Variants in LRRFIP1 observed in about 807,000 individuals in gnomAD.
The protein encoded by LRRFIP1 is leucine-rich repeat flightless-interacting protein 1.
In LRRFIP1, 62 loss-of-function variants were observed where a neutral mutation model predicts 104.4. The observed-to-expected ratio is 0.59, with a 90% CI of 0.48 to 0.73. LRRFIP1 has a LOEUF of 0.73. Ranked by LOEUF, LRRFIP1 falls within the 30% of genes least tolerant of loss-of-function variation. The probability of loss-of-function intolerance (pLI) is 0.00; values close to 1 mark genes in which losing one functional copy is unlikely to be tolerated. For missense variants in LRRFIP1, 796 were observed against 824.5 expected, an observed-to-expected ratio of 0.97 and a Z score of 0.42; for synonymous variants, 300 against 299.0, an observed-to-expected ratio of 1.00 and a Z score of -0.03.
At chr2:237,675,635 A>G (rs780454249) in intron 1 of LRRFIP1, among the ~76,000 whole-genome samples, 29 of 152,220 alleles carry the variant, frequency 1.9e-4, no homozygotes, top group Non-Finnish European at 3.7e-4. Flanking sequence ...GAATGAAGTT[A>G]TGGAAGGAAA....
intron 1 of LRRFIP1, among the ~76,000 whole-genome samples, chr2:237,697,125 G>A (rs183100203): frequency 1.3e-5 from 2 of 152,234 alleles, no homozygotes; most frequent in Admixed American, 6.5e-5. Context: ...AGGTGCAACC[G>A]ATTCTCCTGC....
intron 1 of LRRFIP1, among the ~76,000 whole-genome samples, chr2:237,687,002 A>G (rs2092417240): frequency 6.6e-6 from 1 of 152,240 alleles, no homozygotes. Context: ...AGCTAAGGGC[A>G]TTCGTTGAGT....
At chr2:237,692,500 G>C in intron 1 of LRRFIP1, 1 of 1,533,074 alleles carries the variant, frequency 6.5e-7, no homozygotes, top group South Asian at 1.2e-5. Context: ...TCGACTGTTT[G>C]AGCCCGGAAG....
intron 1 of LRRFIP1, among the ~76,000 whole-genome samples, chr2:237,654,021 T>C (rs2086378699): frequency 6.6e-6 from 1 of 152,014 alleles, no homozygotes. Context: ...TGCACTAAAC[T>C]AAAAAGCCTC....
intron 9 of LRRFIP1, among the ~76,000 whole-genome samples, chr2:237,734,273 C>CTTTTTTTTTT (rs71870330): frequency 2.2e-5 from 2 of 90,218 alleles, no homozygotes; most frequent in African/African-American, 5.3e-5. Context: ...TGTTAATAAC[C>CTTTTTTTTTT]TTTTTTTTTT....
At chr2:237,633,560 C>T (rs1386625691) in intron 1 of LRRFIP1, among the ~76,000 whole-genome samples, 1 of 147,050 alleles carries the variant, frequency 6.8e-6, no homozygotes, top group East Asian at 1.9e-4. Flanking sequence ...GCCTGTCCCC[C>T]GTGAGCCCTG....
chr2:237,645,560 G>C (rs987558330), intron 1 of LRRFIP1, among the ~76,000 whole-genome samples: 2 of 151,940 alleles, frequency 1.3e-5, no homozygotes, highest in Admixed American at 1.3e-4. Flanking sequence ...TCTGTACTCC[G>C]GACCCTGACA....
At chr2:237,646,638 AG>A (rs1180929463) in intron 1 of LRRFIP1, among the ~76,000 whole-genome samples, 2 of 151,912 alleles carry the variant, frequency 1.3e-5, no homozygotes, top group Non-Finnish European at 2.9e-5. Flanking sequence ...TGAGGTCATA[AG>A]GGTGGGGCCC....
At chr2:237,680,724 G>A (rs1386369832) in intron 1 of LRRFIP1, among the ~76,000 whole-genome samples, 3 of 152,240 alleles carry the variant, frequency 2.0e-5, no homozygotes, top group African/African-American at 7.2e-5. Context: ...ACACATGCCT[G>A]TAATCCCAGC....
chr2:237,637,158 T>C (rs1220179725), intron 1 of LRRFIP1, among the ~76,000 whole-genome samples: 2 of 152,214 alleles, frequency 1.3e-5, no homozygotes, highest in East Asian at 3.9e-4. Context: ...AAATATGAGA[T>C]TTTCATAGCT....
chr2:237,771,302 CAAA>C (rs61685773), intron 20 of LRRFIP1, among the ~76,000 whole-genome samples: 3,388 of 109,770 alleles, frequency 0.031, 101 homozygotes, highest in East Asian at 0.082. Context: ...TGAAATATTC[CAAA>C]AAAAAAAAAA....
intron 1 of LRRFIP1, among the ~76,000 whole-genome samples, chr2:237,628,823 T>G (rs1002048614): frequency 1.3e-5 from 2 of 152,246 alleles, no homozygotes; most frequent in African/African-American, 4.8e-5. Flanking sequence ...TGTAAATACC[T>G]GATTTTGCTC....
intron 20 of LRRFIP1, 92 bp from the exon 21 acceptor site, chr2:237,771,989 A>G: frequency 3.7e-6 from 3 of 813,808 alleles, no homozygotes; most frequent in Admixed American, 4.3e-5. Flanking sequence ...GTCATTTGAC[A>G]TGCTGCTTCC....
intron 1 of LRRFIP1, among the ~76,000 whole-genome samples, chr2:237,681,716 G>T (rs2091855640): frequency 2.8e-5 from 2 of 71,684 alleles, no homozygotes; most frequent in Admixed American, 1.9e-4. Flanking sequence ...GTCTCGCTCT[G>T]TCGCCCAGGC....
chr2:237,732,031 T>C (rs1373128311), intron 8 of LRRFIP1, among the ~76,000 whole-genome samples: 9 of 152,218 alleles, frequency 5.9e-5, no homozygotes, highest in Non-Finnish European at 2.9e-5. Context: ...TGATGACTCT[T>C]CCTAATATCA....
At chr2:237,666,267 G>T (rs1364007720) in intron 1 of LRRFIP1, among the ~76,000 whole-genome samples, 1 of 152,232 alleles carries the variant, frequency 6.6e-6, no homozygotes, top group Non-Finnish European at 1.5e-5. Context: ...GGGCGCATTG[G>T]CAGTCCTGTG....
At chr2:237,652,328 G>A (rs2086071599) in intron 1 of LRRFIP1, among the ~76,000 whole-genome samples, 2 of 152,222 alleles carry the variant, frequency 1.3e-5, no homozygotes, top group African/African-American at 2.4e-5. Flanking sequence ...TGTGAACACG[G>A]CTGGATGAGA....
rs945054981 is a variant in LRRFIP1, at chr2:237,631,436, C to T, written c.96+3696C>T. On this transcript the variant is annotated intron_variant, in intron 1 of 23. Transcript: ENST00000308482. ...TGTGATGGTTTAAACTCTAGGCAAG[C>T]GTGTATAGTAAAGGGAGTTATTTGC... Among the ~76,000 whole-genome samples the T allele has an allele frequency of 7.2e-5, 11 of 152,244 alleles. No homozygotes were observed. In the South Asian group the frequency reaches 1.5e-3, roughly 20 times the overall value.
At chr2:237,682,268 C>T (rs1241506270) in intron 1 of LRRFIP1, among the ~76,000 whole-genome samples, 7 of 152,216 alleles carry the variant, frequency 4.6e-5, no homozygotes, top group African/African-American at 7.2e-5. Context: ...GCCAGTGCAA[C>T]GGAACAAAGT....
Sources: allele counts gnomAD v4.1 joint callset (sites outside exome capture counted in the v4.1 genomes callset), GRCh38; gene constraint gnomAD v4.1.1; transcripts MANE v1.5; gene names NCBI Gene and HGNC (gene_info 2026-07-23, HGNC 2026-07-21).